The following DYNC1H1 variants were observed in gnomAD, a reference collection of about 807,000 sequenced individuals.
DYNC1H1 encodes the protein cytoplasmic dynein 1 heavy chain 1.
A neutral mutation model predicts 527.1 loss-of-function variants in DYNC1H1; 51 were observed. That is an observed-to-expected ratio of 0.10 (90% CI 0.08 to 0.12). The LOEUF is 0.12. DYNC1H1 is among the 10% of genes least tolerant of loss of function. The pLI is 1.00. For missense variants in DYNC1H1, 2,771 were observed against 5,971.8 expected, an observed-to-expected ratio of 0.46 and a Z score of 17.66; for synonymous variants, 2,189 against 2,278.8, an observed-to-expected ratio of 0.96 and a Z score of 1.12.
At position 102,050,170 on chromosome 14, in the gene DYNC1H1, A is replaced by G. The variant is rs2048787955; in HGVS notation, c.13784A>G (p.Gln4595Arg). The G allele has an allele frequency of 1.9e-6, 3 of 1,614,062 alleles. No individual in the cohort carries two copies. The highest frequency in any genetic ancestry group is 2.5e-6 in the Non-Finnish European group (3 of 1,180,010). The change falls in exon 77 of 78, where the codon CAG becomes CGG. Residue 4595 changes from glutamine (Q) to arginine (R), a missense_variant. Coordinates refer to ENST00000360184, the MANE Select transcript of DYNC1H1 (RefSeq NM_001376.5). The stretch of plus-strand genomic sequence containing the variant: ...CTGACGCAGCTGCGCTGGGTCAAGC[A>G]GACAAACACCGAGAAGAAGGCCAGT... ...LPLTQLRWVK[Q>R]TNTEKKASVV...
chr14:102,022,505 CAA>C (rs559692888), intron 42 of DYNC1H1, among the ~76,000 whole-genome samples: 14 of 68,782 alleles, frequency 2.0e-4, no homozygotes, highest in Admixed American at 6.4e-4. Context: ...GACTCCGTCT[CAA>C]AAAAAAAAAA....
At chr14:101,991,177 A>G (rs1000315929) in intron 10 of DYNC1H1, among the ~76,000 whole-genome samples, 9 of 151,976 alleles carry the variant, frequency 5.9e-5, no homozygotes, top group Admixed American at 3.9e-4. Flanking sequence ...TATCTCAAAA[A>G]AACAAAAAGC....
intron 2 of DYNC1H1, among the ~76,000 whole-genome samples, chr14:101,976,573 C>T (rs938033701): frequency 6.6e-6 from 1 of 151,320 alleles, no homozygotes; most frequent in Non-Finnish European, 1.5e-5. Context: ...GAAAAGAAAA[C>T]GCTCAAAAGA....
At chr14:101,969,805 A>T (rs1216255675) in intron 1 of DYNC1H1, among the ~76,000 whole-genome samples, 1 of 152,254 alleles carries the variant, frequency 6.6e-6, no homozygotes, top group Non-Finnish European at 1.5e-5. Flanking sequence ...AGCAAAGGGA[A>T]AACAGTTATC....
Position 102,049,413 on chromosome 14 carries a change from C to T in DYNC1H1, c.13373-27C>T. On this transcript the variant is annotated intron_variant, in intron 74 of 77. Coordinates refer to ENST00000360184, the MANE Select transcript of DYNC1H1 (RefSeq NM_001376.5). This position sits in a 1 kb window ranked among gnomAD's most constrained non-coding sequence, Gnocchi z 5.5. The stretch of plus-strand genomic sequence containing the variant: ...CTGGGGGAGTTGTGAGAGCTGACAC[C>T]CTGGGCTCTGTGTGCCTTGGCTGCA... 1 of 1,613,494 alleles carries T rather than the reference C, an allele frequency of 6.2e-7. No homozygotes were observed. The highest frequency in any genetic ancestry group is 8.5e-7 in the Non-Finnish European group (1 of 1,180,028).
At chr14:101,991,380 G>T (rs1288018091) in intron 10 of DYNC1H1, 147 bp from the exon 11 acceptor site, 2 of 895,320 alleles carry the variant, frequency 2.2e-6, no homozygotes, top group Admixed American at 2.1e-5. Context: ...GCTTAGAATT[G>T]CTTGAACCCG....
At chr14:101,980,323 T>G in intron 4 of DYNC1H1, 41 bp from the exon 5 acceptor site, 1 of 1,609,076 alleles carries the variant, frequency 6.2e-7, no homozygotes, top group Non-Finnish European at 8.5e-7. Context: ...TCTACCTTGT[T>G]TAAATAGTGA....
chr14:102,045,048 A>C, intron 72 of DYNC1H1: 1 of 323,264 alleles, frequency 3.1e-6, no homozygotes. Flanking sequence ...CACACCTATA[A>C]TCCCAGCACT....
intron 10 of DYNC1H1, 79 bp from the exon 11 acceptor site, chr14:101,991,448 A>G: frequency 6.4e-7 from 1 of 1,564,444 alleles, no homozygotes; most frequent in Non-Finnish European, 8.7e-7. Context: ...CTGGGCAGTA[A>G]GAGTGAAACT....
At chr14:102,021,223 A>C (rs1473371591) in intron 42 of DYNC1H1, among the ~76,000 whole-genome samples, 1 of 152,054 alleles carries the variant, frequency 6.6e-6, no homozygotes, top group Non-Finnish European at 1.5e-5. Flanking sequence ...ACAAAAAATA[A>C]AAAATTAGCC....
rs1272411627 is a variant in DYNC1H1, at chr14:102,018,645, A to C, written c.8343+29A>C. The C allele has an allele frequency of 6.2e-7, 1 of 1,611,458 alleles. No homozygotes were observed. The highest frequency in any genetic ancestry group is 8.5e-7 in the Non-Finnish European group (1 of 1,179,704). On this transcript the variant is annotated intron_variant, in intron 41 of 77. Coordinates refer to ENST00000360184, the MANE Select transcript of DYNC1H1 (RefSeq NM_001376.5). The surrounding 1 kb of genome is among the most constrained non-coding windows in gnomAD (Gnocchi z 5.2). ...CGCAGAGTTTCTTTGCTCTTCCAGA[A>C]ATTGTTTTCCTCTCATAATTAAGGC...
intron 56 of DYNC1H1, chr14:102,034,654 C>G: frequency 1.1e-6 from 1 of 869,598 alleles, no homozygotes; most frequent in Non-Finnish European, 1.8e-6. Flanking sequence ...GCAGTGAATG[C>G]TTCTTGTAAC....
chr14:101,999,303 GC>G (rs1385735637), intron 16 of DYNC1H1, among the ~76,000 whole-genome samples: 1 of 152,036 alleles, frequency 6.6e-6, no homozygotes, highest in Non-Finnish European at 1.5e-5. Flanking sequence ...CTACAGGCGT[GC>G]CCCACCATAC....
chr14:102,048,924 G>A, intron 74 of DYNC1H1: 1 of 533,628 alleles, frequency 1.9e-6, no homozygotes, highest in South Asian at 2.0e-5. Flanking sequence ...TTTTTTAGGG[G>A]TCTTCCAAGA....
intron 10 of DYNC1H1, among the ~76,000 whole-genome samples, chr14:101,991,116 A>C (rs2047993582): frequency 6.6e-6 from 1 of 151,872 alleles, no homozygotes; most frequent in Non-Finnish European, 1.5e-5. Context: ...CCAGAATGTC[A>C]AGTGAGCCAT....
intron 34 of DYNC1H1, among the ~76,000 whole-genome samples, chr14:102,013,127 T>C (rs2048277203): frequency 6.6e-6 from 1 of 151,542 alleles, no homozygotes; most frequent in Admixed American, 6.6e-5. Flanking sequence ...TGGGTGCCTG[T>C]AGTCCCAGCT....
In DYNC1H1 at chr14:102,027,886, G is replaced by A. The variant is rs776072578; in HGVS notation, c.9264-51G>A. 3.8e-5 allele frequency: 62 copies of A among 1,614,052 alleles called. 1 individual carries two copies. The South Asian group carries it at 6.4e-4, about 17-fold the overall frequency. ...TCAGGAAAGTCGGTGTCCTTCCAAG[G>A]GACAAAGCCTGCCCCTCATAGCTGT... On this transcript the variant is annotated intron_variant, in intron 47 of 77. Coordinates refer to ENST00000360184, the MANE Select transcript of DYNC1H1 (RefSeq NM_001376.5). The surrounding 1 kb of genome is among the most constrained non-coding windows in gnomAD (Gnocchi z 7.7).
chr14:102,041,775 T>C lies in DYNC1H1; in HGVS notation c.12102+41T>C. 6.2e-7 allele frequency: 1 copy of C among 1,612,986 alleles called. No individual in the cohort carries two copies. The highest frequency in any genetic ancestry group is 1.1e-5 in the South Asian group (1 of 91,014). The stretch of plus-strand genomic sequence containing the variant: ...AGCCCGGGCTTCCCACGAGACTCCA[T>C]GCCCACCTCCCCAGCCACAGGTGGC... On this transcript the variant is annotated intron_variant, in intron 65 of 77. Coordinates refer to ENST00000360184, the MANE Select transcript of DYNC1H1 (RefSeq NM_001376.5). This position sits in a 1 kb window ranked among gnomAD's most constrained non-coding sequence, Gnocchi z 4.5.
At chr14:101,973,409 C>T (rs1176146899) in intron 1 of DYNC1H1, among the ~76,000 whole-genome samples, 1 of 152,096 alleles carries the variant, frequency 6.6e-6, no homozygotes, top group African/African-American at 2.4e-5. Flanking sequence ...ATCTGCCCGC[C>T]TCGGCCTCCC....
Sources: allele counts gnomAD v4.1 joint callset (sites outside exome capture counted in the v4.1 genomes callset), GRCh38; gene constraint gnomAD v4.1.1; non-coding constraint Gnocchi (gnomAD v3.1); transcripts MANE v1.5; gene names NCBI Gene and HGNC (gene_info 2026-07-23, HGNC 2026-07-21).